CLCN3: variants seen among roughly 807,000 people sequenced by gnomAD.
CLCN3 encodes Cl-/H+ antiporter 3.
In CLCN3, 16 loss-of-function variants were observed where a neutral mutation model predicts 83.4. The observed-to-expected ratio is 0.19, with a 90% CI of 0.13 to 0.29. The LOEUF (loss-of-function observed/expected upper bound fraction) is 0.29. CLCN3 is among the 10% of genes least tolerant of loss of function. The probability of loss-of-function intolerance (pLI) is 1.00; values close to 1 mark genes in which losing one functional copy is unlikely to be tolerated. For missense variants in CLCN3, 544 were observed against 1,006.0 expected, an observed-to-expected ratio of 0.54 and a Z score of 6.21; for synonymous variants, 322 against 346.2, an observed-to-expected ratio of 0.93 and a Z score of 0.78.
intron 7 of CLCN3, among the ~76,000 whole-genome samples, chr4:169,692,675 G>A (rs996858619): frequency 6.6e-6 from 1 of 152,118 alleles, no homozygotes; most frequent in African/African-American, 2.4e-5. Flanking sequence ...TTAAGAGGTT[G>A]GGAAATCTTA....
At chr4:169,649,491 T>C (rs937122252) in intron 2 of CLCN3, among the ~76,000 whole-genome samples, 12 of 152,192 alleles carry the variant, frequency 7.9e-5, no homozygotes, top group African/African-American at 2.9e-4. Flanking sequence ...TGTCTAGGAC[T>C]ATAGGTAGTG....
intron 12 of CLCN3, among the ~76,000 whole-genome samples, chr4:169,716,929 C>T (rs1035675963): frequency 6.6e-6 from 1 of 152,072 alleles, no homozygotes; most frequent in Non-Finnish European, 1.5e-5. Flanking sequence ...GATGGGCTTC[C>T]AGAATTTAAA....
chr4:169,719,204 G>A (rs1003974103), intron 12 of CLCN3, among the ~76,000 whole-genome samples: 1 of 152,204 alleles, frequency 6.6e-6, no homozygotes, highest in African/African-American at 2.4e-5. Flanking sequence ...AGTGGCTCAC[G>A]CCTGTAATCC....
At chr4:169,669,888 G>T (rs1367651609) in intron 2 of CLCN3, among the ~76,000 whole-genome samples, 1 of 152,182 alleles carries the variant, frequency 6.6e-6, no homozygotes. Flanking sequence ...CTTTTTGTAT[G>T]TTTGTTGGCC....
At chr4:169,681,303 CT>C (rs1731928240) in intron 3 of CLCN3, among the ~76,000 whole-genome samples, 1 of 152,184 alleles carries the variant, frequency 6.6e-6, no homozygotes, top group Non-Finnish European at 1.5e-5. Context: ...TGACCTCAGC[CT>C]CCCAAAGTAG....
chr4:169,637,888 A>T (rs1581193909), intron 2 of CLCN3, among the ~76,000 whole-genome samples: 1 of 152,308 alleles, frequency 6.6e-6, no homozygotes, highest in Non-Finnish European at 1.5e-5. Flanking sequence ...CATCTTTGTC[A>T]TGTATCAAGT....
chr4:169,669,489 T>TA (rs995941552), intron 2 of CLCN3, among the ~76,000 whole-genome samples: 30 of 152,086 alleles, frequency 2.0e-4, no homozygotes, highest in South Asian at 4.1e-4. Flanking sequence ...ACCCCATCTC[T>TA]AAAAAAATAA....
At chr4:169,648,984 G>A (rs985480546) in intron 2 of CLCN3, among the ~76,000 whole-genome samples, 2 of 150,626 alleles carry the variant, frequency 1.3e-5, no homozygotes, top group East Asian at 3.9e-4. Flanking sequence ...CTGAGATGGT[G>A]CCACTGTATT....
intron 1 of CLCN3, 103 bp from the exon 2 acceptor site, chr4:169,635,809 AT>A (rs1022264560): frequency 2.1e-4 from 189 of 884,420 alleles, no homozygotes; most frequent in South Asian, 3.5e-4. Flanking sequence ...AATACGCTTA[AT>A]TTTTTTTAGC....
intron 2 of CLCN3, among the ~76,000 whole-genome samples, chr4:169,660,865 A>G (rs977336284): frequency 6.6e-6 from 1 of 152,194 alleles, no homozygotes; most frequent in African/African-American, 2.4e-5. Context: ...AGCTGCTGCC[A>G]ATTACCATGT....
rs1248670983 is a variant in CLCN3, at chr4:169,721,147, T to C, written c.*1150T>C. The C allele has an allele frequency of 6.6e-6, 1 of 151,800 alleles. No homozygotes were observed. The highest frequency in any genetic ancestry group is 1.5e-5 in the Non-Finnish European group (1 of 68,036). The allele number at this position is 151,800 out of a possible 1,614,324, so 9.4% of individuals were successfully genotyped here. A position where few individuals can be genotyped will look rare whatever the true frequency, so the allele number is the denominator to read the frequency against. On this transcript the variant is annotated 3_prime_UTR_variant, in exon 13 of 13. Coordinates refer to ENST00000513761, the MANE Select transcript of CLCN3 (RefSeq NM_001829.4). ...TGTAATTCATAACTTGCACTAAATG[T>C]ATATTTTTTTTCTTAAAAATTTACC...
chr4:169,718,785 A>C (rs1361860687), intron 12 of CLCN3, among the ~76,000 whole-genome samples: 1 of 152,198 alleles, frequency 6.6e-6, no homozygotes, highest in Non-Finnish European at 1.5e-5. Context: ...CAAGTGTTTC[A>C]TGCATCCTTT....
Position 169,722,643 on chromosome 4 carries a change from T to G in CLCN3, c.*2646T>G, listed in dbSNP as rs993611448. On this transcript the variant is annotated 3_prime_UTR_variant, in exon 13 of 13. Coordinates refer to ENST00000513761, the MANE Select transcript of CLCN3 (RefSeq NM_001829.4). Reference sequence around the variant, plus strand: ...TCCCTTTTTTATTTCTGCTCCTCCTTTAATTGCCCATCTTGCTTCAGAGAC... The same window carrying G: ...TCCCTTTTTTATTTCTGCTCCTCCTGTAATTGCCCATCTTGCTTCAGAGAC... 3.9e-5 allele frequency: 6 copies of G among 152,222 alleles called. No homozygotes were observed. The highest frequency in any genetic ancestry group is 1.3e-4 in the Admixed American group (2 of 15,282). 9.4% of individuals were successfully genotyped at this position (152,222 alleles called of 1,614,324 possible). A position where few individuals can be genotyped will look rare whatever the true frequency, so the allele number is the denominator to read the frequency against.
chr4:169,678,263 G>A (rs1377648075), intron 2 of CLCN3, among the ~76,000 whole-genome samples: 6 of 152,108 alleles, frequency 3.9e-5, no homozygotes, highest in Non-Finnish European at 8.8e-5. Flanking sequence ...TCTCCGCAGC[G>A]TCAGGTGACT....
chr4:169,698,210 C>T (rs1405783997), intron 9 of CLCN3, among the ~76,000 whole-genome samples: 1 of 152,164 alleles, frequency 6.6e-6, no homozygotes, highest in African/African-American at 2.4e-5. Flanking sequence ...GTATCCATCA[C>T]CTCAAGCATT....
intron 4 of CLCN3, 56 bp from the exon 5 acceptor site, chr4:169,688,987 C>A: frequency 6.5e-7 from 1 of 1,528,334 alleles, no homozygotes; most frequent in Non-Finnish European, 9.0e-7. Context: ...CTAGATTGTT[C>A]TCGACTCCCA....
intron 2 of CLCN3, among the ~76,000 whole-genome samples, chr4:169,671,812 C>T (rs1180194230): frequency 6.6e-6 from 1 of 152,036 alleles, no homozygotes; most frequent in Non-Finnish European, 1.5e-5. Flanking sequence ...CTTAGTCTTT[C>T]CTGGAGGTGT....
intron 12 of CLCN3, among the ~76,000 whole-genome samples, chr4:169,718,755 G>A (rs1265302112): frequency 6.6e-6 from 1 of 152,158 alleles, no homozygotes; most frequent in Admixed American, 6.5e-5. Context: ...ATGTATTCCT[G>A]TGTGTATGCT....
intron 12 of CLCN3, among the ~76,000 whole-genome samples, chr4:169,717,235 A>G (rs1202496363): frequency 6.6e-6 from 1 of 152,184 alleles, no homozygotes; most frequent in East Asian, 1.9e-4. Flanking sequence ...CCTGAACATT[A>G]GGGAGTGTTT....
Sources: gnomAD v4.1 joint callset for allele counts (sites outside exome capture counted in the v4.1 genomes callset) on GRCh38, gnomAD v4.1.1 for gene constraint, MANE v1.5 for transcripts, NCBI Gene and HGNC (gene_info 2026-07-23, HGNC 2026-07-21) for gene names.